TXK: variants seen among roughly 807,000 people sequenced by gnomAD.
The protein encoded by TXK is tyrosine-protein kinase TXK.
A neutral mutation model predicts 81.0 loss-of-function variants in TXK; 60 were observed. The ratio of observed to expected loss-of-function variants is 0.74; its 90% CI spans 0.60 to 0.92. TXK has a LOEUF of 0.92. Among genes scored for constraint, TXK ranks in the 40% least tolerant of loss-of-function variants. The pLI, the probability that TXK is intolerant of heterozygous loss-of-function variation, is 0.00. For synonymous variants in TXK, 203 were observed against 210.7 expected, an observed-to-expected ratio of 0.96 and a Z score of 0.32; for missense variants, 581 against 638.3, an observed-to-expected ratio of 0.91 and a Z score of 0.97.
intron 14 of TXK, among the ~76,000 whole-genome samples, chr4:48,070,901 T>G (rs1716821694): frequency 7.1e-6 from 1 of 140,810 alleles, no homozygotes; most frequent in Admixed American, 7.1e-5. Context: ...TTCTTTTTTT[T>G]TTTTTTTTTT....
intron 10 of TXK, among the ~76,000 whole-genome samples, chr4:48,085,013 A>G (rs1470256916): frequency 1.3e-5 from 2 of 152,256 alleles, no homozygotes; most frequent in Non-Finnish European, 2.9e-5. Flanking sequence ...AAAACAGAGC[A>G]GAATCTAAAT....
intron 7 of TXK, 128 bp from the exon 8 acceptor site, chr4:48,094,332 C>T: frequency 9.7e-7 from 1 of 1,033,186 alleles, no homozygotes; most frequent in Non-Finnish European, 1.4e-6. Flanking sequence ...AGTAGATTGG[C>T]TAAATTCAAC....
intron 12 of TXK, among the ~76,000 whole-genome samples, chr4:48,075,361 A>G (rs1717025381): frequency 6.6e-6 from 1 of 152,148 alleles, no homozygotes; most frequent in Non-Finnish European, 1.5e-5. Flanking sequence ...TTGTAATCAT[A>G]AAGAACGCCG....
At chr4:48,109,616 AGTAATGTAGATGAGTCATGT>A (rs1289513919) in intron 5 of TXK, among the ~76,000 whole-genome samples, 5 of 152,192 alleles carry the variant, frequency 3.3e-5, no homozygotes, top group Non-Finnish European at 5.9e-5. Context: ...AATCTCATAG[AGTAATGTAGATGAGTCATGT>A]GTCCTGAAGT....
chr4:48,126,781 G>A (rs1232624288), intron 1 of TXK, among the ~76,000 whole-genome samples: 1 of 152,158 alleles, frequency 6.6e-6, no homozygotes, highest in Non-Finnish European at 1.5e-5. Context: ...GGGATTACAG[G>A]CAGGAGCCAC....
At chr4:48,103,671 T>G (rs570988595) in intron 6 of TXK, among the ~76,000 whole-genome samples, 1 of 152,254 alleles carries the variant, frequency 6.6e-6, no homozygotes, top group South Asian at 2.1e-4. Context: ...TAATGTTTAC[T>G]GACAGTTGGA....
chr4:48,071,075 T>C (rs1371454717), intron 14 of TXK, among the ~76,000 whole-genome samples: 1 of 151,328 alleles, frequency 6.6e-6, no homozygotes, highest in Non-Finnish European at 1.5e-5. Flanking sequence ...AATTTTTGTA[T>C]TTTTAGTAGA....
Position 48,079,977 on chromosome 4 carries a change from C to T in TXK, c.1108G>A (p.Val370Ile), listed in dbSNP as rs1191272889. ...GKLRKEMLLS[V>I]CQDICEGMEY... is the part of the protein sequence containing the mutation. ...ATTCCTTCACATATATCCTGGCATA[C>T]ACTCAGTAGCATTTCCTTCCTAAGC... The change falls in exon 11 of 15, where the codon GTA becomes ATA. Residue 370 changes from valine to isoleucine, a missense_variant. By Grantham distance (29) the Val-to-Ile change is conservative. Transcript: ENST00000264316. The T allele has an allele frequency of 6.2e-6, 10 of 1,613,988 alleles. No homozygotes were observed. The highest frequency in any genetic ancestry group is 8.5e-6 in the Non-Finnish European group (10 of 1,179,978).
rs1355181430 is a variant in TXK at position 48,080,104 on chromosome 4, C to T, written c.981G>A (p.Val327=). The change falls in exon 11 of 15, where the codon GTG becomes GTA. Residue 327 remains valine (V), a synonymous_variant. Coordinates refer to ENST00000264316, the MANE Select transcript of TXK (RefSeq NM_003328.3). ...GCTGTATACAGACTCCATAAAGTTG[C>T]ACTAGCTTTGAATGAGATAATTTCC... ...VMMKLSHSKL[V]QLYGVCIQRK... 1.9e-6 allele frequency: 3 copies of T among 1,613,750 alleles called. No individual in the cohort carries two copies.
chr4:48,087,220 A>C (rs892072085), intron 9 of TXK, among the ~76,000 whole-genome samples: 3 of 150,994 alleles, frequency 2.0e-5, no homozygotes, highest in Non-Finnish European at 4.4e-5. Context: ...ATTTTATAGA[A>C]GCAAATCAGG....
intron 1 of TXK, among the ~76,000 whole-genome samples, chr4:48,124,648 T>C (rs1207486409): frequency 6.6e-6 from 1 of 152,146 alleles, no homozygotes; most frequent in Non-Finnish European, 1.5e-5. Context: ...CGTGACCTTT[T>C]GACTGAGTGG....
intron 11 of TXK, 100 bp downstream of exon 11, chr4:48,079,812 A>T: frequency 2.3e-6 from 2 of 866,490 alleles, no homozygotes; most frequent in South Asian, 1.6e-5. Context: ...TTTAAAAATT[A>T]AATCAAGGAC....
chr4:48,089,786 C>G lies in TXK; in HGVS notation c.748G>C (p.Gly250Arg). 3 of 1,613,632 alleles carry G rather than the reference C, an allele frequency of 1.9e-6. No homozygotes were observed. The highest frequency in any genetic ancestry group is 8.5e-7 in the Non-Finnish European group (1 of 1,179,726). Residue 250 changes from glycine (G) to arginine (R), a missense_variant, in exon 9 of 15, where the codon GGC becomes CGC. Gly to Arg is a moderately radical substitution (Grantham distance 125, BLOSUM62 -2). Transcript: ENST00000264316. ...TRLRYPVGLM[G>R]SCLPATAGFS... ...CCAGCTGTGGCTGGTAAACAACTGC[C>G]CATCAGCCCAACTGGATATCGGAGA... is the stretch of plus-strand genomic sequence containing the variant.
chr4:48,112,255 C>A, intron 4 of TXK, 52 bp downstream of exon 4: 1 of 1,551,590 alleles, frequency 6.4e-7, no homozygotes, highest in Non-Finnish European at 8.9e-7. Context: ...ACTAAGTAGT[C>A]TTCTTTGTGT....
chr4:48,096,483 C>T (rs1190706068), intron 6 of TXK, among the ~76,000 whole-genome samples: 2 of 152,098 alleles, frequency 1.3e-5, no homozygotes, highest in African/African-American at 2.4e-5. Flanking sequence ...ACTAAAAAAG[C>T]TCCTATCACC....
intron 1 of TXK, among the ~76,000 whole-genome samples, chr4:48,117,997 T>C (rs1395376109): frequency 1.3e-5 from 2 of 152,232 alleles, no homozygotes; most frequent in Non-Finnish European, 2.9e-5. Flanking sequence ...TATATCTTCC[T>C]ATTCTGTCCC....
chr4:48,112,315 G>C lies in TXK; in HGVS notation c.372C>G (p.Asp124Glu), dbSNP rs1399579281. ...KYNPHWWKAR[D>E]RLGNEGLIPS... ...TCATGTAAGTGTCTTACCCCAAACG[G>C]TCTCTTGCCTTCCACCAGTGAGGAT... Residue 124 changes from aspartate (D) to glutamate (E), a missense_variant, in exon 4 of 15, where the codon GAC (aspartate) becomes GAG (glutamate). Coordinates refer to ENST00000264316, the MANE Select transcript of TXK (RefSeq NM_003328.3). 3.7e-6 allele frequency: 6 copies of C among 1,613,972 alleles called. No individual in the cohort carries two copies. Among genetic ancestry groups the C allele is most frequent in the Non-Finnish European group, 5.1e-6 (6 of 1,179,972 alleles).
chr4:48,129,806 A>G (rs1280584573), intron 1 of TXK, among the ~76,000 whole-genome samples: 1 of 152,164 alleles, frequency 6.6e-6, no homozygotes, highest in Non-Finnish European at 1.5e-5. Flanking sequence ...ATCTCAAAAC[A>G]GTGTTTCCTA....
chr4:48,088,282 C>A (rs976992652), intron 9 of TXK, among the ~76,000 whole-genome samples: 2 of 152,148 alleles, frequency 1.3e-5, no homozygotes, highest in Admixed American at 6.5e-5. Context: ...ATATGCATAG[C>A]CTATGACCCA....
Sources: gnomAD v4.1 joint callset for allele counts (sites outside exome capture counted in the v4.1 genomes callset) on GRCh38, gnomAD v4.1.1 for gene constraint, MANE v1.5 for transcripts, NCBI Gene and HGNC (gene_info 2026-07-23, HGNC 2026-07-21) for gene names.